KL: variants seen among roughly 807,000 people sequenced by gnomAD.
KL encodes the protein alpha-klotho.
Under a neutral mutation model 84.2 loss-of-function variants are expected in KL, and 62 were observed. That is an observed-to-expected ratio of 0.74 (90% CI 0.60 to 0.91). The LOEUF is 0.91. KL is among the 40% of genes least tolerant of loss of function. KL has a pLI of 0.00. For missense variants in KL, 1,261 were observed against 1,305.7 expected, an observed-to-expected ratio of 0.97 and a Z score of 0.53; for synonymous variants, 528 against 528.0, an observed-to-expected ratio of 1.00 and a Z score of 0.00.
At chr13:33,023,112 C>T (rs562584960) in intron 1 of KL, among the ~76,000 whole-genome samples, 6 of 152,114 alleles carry the variant, frequency 3.9e-5, no homozygotes, top group African/African-American at 1.4e-4. Flanking sequence ...TATCACTGTC[C>T]CTTGGGCAGA....
chr13:33,054,404 A>C, intron 2 of KL, 127 bp downstream of exon 2: 1 of 973,390 alleles, frequency 1.0e-6, no homozygotes, highest in Non-Finnish European at 1.6e-6. Flanking sequence ...TTTTGGCAAT[A>C]GTAGAATGCA....
Position 33,042,367 on chromosome 13 carries a change from G to A in KL, c.820-11400G>A, listed in dbSNP as rs754342027. Among the ~76,000 whole-genome samples the A allele has an allele frequency of 2.6e-5, 4 of 152,092 alleles. No homozygotes were observed. The South Asian group carries it at 6.2e-4, about 24-fold the overall frequency. ...TAGAATATTCTCATTACCCCAGAAA[G>A]TTTCTTTGTGACTTCTAATCAATTC... On this transcript the variant is annotated intron_variant, in intron 1 of 4. Coordinates refer to ENST00000380099, the MANE Select transcript of KL (RefSeq NM_004795.4).
In KL at chr13:33,055,025, T is replaced by A. The variant is rs1326531179; in HGVS notation, c.1331-22T>A. On this transcript the variant is annotated intron_variant, in intron 2 of 4. Coordinates refer to ENST00000380099, the MANE Select transcript of KL (RefSeq NM_004795.4). ...TGCCCAGCGAAGGGTCATGTTGCTC[T>A]TGTCCCCTCTTCCCTTTGCAGCCAT... is the stretch of plus-strand genomic sequence containing the variant. The A allele has an allele frequency of 2.5e-6, 4 of 1,614,010 alleles. No individual in the cohort carries two copies. In the Admixed American group the frequency reaches 6.7e-5, roughly 27 times the overall value.
Position 33,059,532 on chromosome 13 carries a change from C to A in KL, c.1600-1147C>A, listed in dbSNP as rs193076138. Among the ~76,000 whole-genome samples, 155 of 151,884 alleles carry A rather than the reference C, an allele frequency of 1.0e-3. 1 individual carries two copies. The highest frequency in any genetic ancestry group is 3.6e-3 in the African/African-American group (149 of 41,404). ...CTGTCACTCAGGCTGGAGTGCAGTG[C>A]CATGATCCTGGCTCACTGCAACCTC... is the stretch of plus-strand genomic sequence containing the variant. On this transcript the variant is annotated intron_variant, in intron 3 of 4. Transcript: ENST00000380099.
At chr13:33,029,835 G>A (rs1023608559) in intron 1 of KL, among the ~76,000 whole-genome samples, 4 of 151,894 alleles carry the variant, frequency 2.6e-5, no homozygotes, top group African/African-American at 4.8e-5. Context: ...GGGTTTCACC[G>A]TGTTAGTCGG....
In KL at chr13:33,065,837, A is replaced by T. The variant is rs376445193; in HGVS notation, c.*1651A>T. 73 of 174,118 alleles carry T rather than the reference A, an allele frequency of 4.2e-4. 2 individuals carry two copies. The South Asian group carries it at 0.014, about 34-fold the overall frequency. The allele number at this position is 174,118 out of a possible 1,614,324, so 10.8% of individuals were successfully genotyped here. ...TTCCTACGTATTTTATTTTACATAG[A>T]TCATATTGTATATAGTTAGTATCTT... On this transcript the variant is annotated 3_prime_UTR_variant, in exon 5 of 5. Coordinates refer to ENST00000380099, the MANE Select transcript of KL (RefSeq NM_004795.4).
intron 1 of KL, 76 bp downstream of exon 1, chr13:33,017,335 G>GA: frequency 7.5e-7 from 1 of 1,325,036 alleles, no homozygotes; most frequent in Non-Finnish European, 1.0e-6. Context: ...GGAAGTGTGG[G>GA]AACTGAGTCT....
chr13:33,020,214 C>G lies in KL; in HGVS notation c.819+2955C>G, dbSNP rs561386020. ...AGCATTAGCATCAGTGTGCAGGTCT[C>G]AGCCCATCTGTCTGCAATGTTTGTT... On this transcript the variant is annotated intron_variant, in intron 1 of 4. Transcript: ENST00000380099. Among the ~76,000 whole-genome samples, 57 of 152,308 alleles carry G rather than the reference C, an allele frequency of 3.7e-4. No homozygotes were observed. The South Asian group carries it at 0.011, about 30-fold the overall frequency.
chr13:33,057,563 C>T (rs185565919), intron 3 of KL, among the ~76,000 whole-genome samples: 2 of 152,116 alleles, frequency 1.3e-5, no homozygotes, highest in South Asian at 2.1e-4. Flanking sequence ...TCAGATCACA[C>T]GGTCCTTTTT....
rs1235999072 is a variant in KL, at chr13:33,065,099, A to T, written c.*913A>T. On this transcript the variant is annotated 3_prime_UTR_variant, in exon 5 of 5. Coordinates refer to ENST00000380099, the MANE Select transcript of KL (RefSeq NM_004795.4). The stretch of plus-strand genomic sequence containing the variant: ...TTTTGAGCAGATCTTGGAATGAATG[A>T]CATGACCTTTCCCTAGAGAATAAGG... 4 of 227,160 alleles carry T rather than the reference A, an allele frequency of 1.8e-5. No homozygotes were observed. The highest frequency in any genetic ancestry group is 8.9e-5 in the African/African-American group (4 of 44,960). 14.1% of individuals were successfully genotyped at this position (227,160 alleles called of 1,614,324 possible).
chr13:33,036,501 C>T (rs1372864667), intron 1 of KL, among the ~76,000 whole-genome samples: 3 of 152,006 alleles, frequency 2.0e-5, no homozygotes, highest in African/African-American at 4.8e-5. Context: ...GAGTCTCTTC[C>T]CATGTCAGCA....
intron 1 of KL, among the ~76,000 whole-genome samples, chr13:33,052,369 C>G (rs1303722916): frequency 6.6e-6 from 1 of 152,174 alleles, no homozygotes; most frequent in African/African-American, 2.4e-5. Context: ...CATCATAAAA[C>G]TGACAGAAGT....
In KL at chr13:33,061,017, A is replaced by T; in HGVS notation, c.1938A>T (p.Gly646=). The T allele has an allele frequency of 4.3e-6, 7 of 1,612,622 alleles. No individual in the cohort carries two copies. The highest frequency in any genetic ancestry group is 5.9e-6 in the Non-Finnish European group (7 of 1,178,924). The change falls in exon 4 of 5, where the codon GGA becomes GGT. Residue 646 remains glycine (G), a synonymous_variant. Coordinates refer to ENST00000380099, the MANE Select transcript of KL (RefSeq NM_004795.4). Reference sequence around the variant, plus strand: ...GGCAGCCTATGGCCCCGAACCAAGGACTGCCGCGCCTCCTGGCCAGGCAGG... The same window carrying T: ...GGCAGCCTATGGCCCCGAACCAAGGTCTGCCGCGCCTCCTGGCCAGGCAGG... The part of the protein sequence containing the change: ...ALWQPMAPNQ[G]LPRLLARQGA...
intron 1 of KL, among the ~76,000 whole-genome samples, chr13:33,030,169 A>T (rs886420802): frequency 7.9e-5 from 12 of 152,082 alleles, no homozygotes; most frequent in Non-Finnish European, 1.6e-4. Context: ...GAGGACAGAG[A>T]CCTCATTGCC....
chr13:33,038,296 T>G (rs1871214972), intron 1 of KL, among the ~76,000 whole-genome samples: 1 of 152,244 alleles, frequency 6.6e-6, no homozygotes, highest in Non-Finnish European at 1.5e-5. Flanking sequence ...ATCATCATTT[T>G]CACAACACGT....
chr13:33,026,159 G>GCT (rs1471225541), intron 1 of KL, among the ~76,000 whole-genome samples: 2 of 151,490 alleles, frequency 1.3e-5, no homozygotes, highest in Non-Finnish European at 2.9e-5. Flanking sequence ...GTGGGACTGG[G>GCT]CTCTCTCTAG....
chr13:33,057,592 C>A (rs1052578649), intron 3 of KL, among the ~76,000 whole-genome samples: 3 of 152,080 alleles, frequency 2.0e-5, no homozygotes, highest in African/African-American at 7.2e-5. Context: ...AGCTTGGGGA[C>A]CCCACCCCTC....
At chr13:33,034,055 T>C (rs1407348555) in intron 1 of KL, among the ~76,000 whole-genome samples, 1 of 152,176 alleles carries the variant, frequency 6.6e-6, no homozygotes, top group Non-Finnish European at 1.5e-5. Flanking sequence ...TGCTGTACAC[T>C]GTAGAGCCAA....
chr13:33,023,529 G>T (rs1427335081), intron 1 of KL, among the ~76,000 whole-genome samples: 1 of 151,992 alleles, frequency 6.6e-6, no homozygotes, highest in African/African-American at 2.4e-5. Flanking sequence ...AATCATTTTT[G>T]AAATAACGTA....
Sources: allele counts gnomAD v4.1 joint callset (sites outside exome capture counted in the v4.1 genomes callset), GRCh38; gene constraint gnomAD v4.1.1; transcripts MANE v1.5; gene names NCBI Gene and HGNC (gene_info 2026-07-23, HGNC 2026-07-21).